FGF14: variants seen among roughly 807,000 people sequenced by gnomAD.
FGF14 encodes fibroblast growth factor homologous factor 4.
A neutral mutation model predicts 25.5 loss-of-function variants in FGF14; 5 were observed. The observed-to-expected ratio is 0.20, with a 90% CI of 0.10 to 0.41. The LOEUF (loss-of-function observed/expected upper bound fraction) is 0.41, where lower values mean the gene tolerates loss of function less well. Among genes scored for constraint, FGF14 ranks in the 10% least tolerant of loss-of-function variants. FGF14 has a pLI of 1.00. For missense variants in FGF14, 222 were observed against 320.1 expected, an observed-to-expected ratio of 0.69 and a Z score of 2.34; for synonymous variants, 138 against 118.3, an observed-to-expected ratio of 1.17 and a Z score of -1.08.
intron 1 of FGF14, among the ~76,000 whole-genome samples, chr13:102,200,625 T>TG (rs2049574960): frequency 6.6e-6 from 1 of 151,968 alleles, no homozygotes; most frequent in African/African-American, 2.4e-5. Context: ...GATTGTTTTT[T>TG]TTTTTTTTCA....
At chr13:102,207,219 G>A (rs1307213655) in intron 1 of FGF14, among the ~76,000 whole-genome samples, 1 of 151,484 alleles carries the variant, frequency 6.6e-6, no homozygotes, top group Non-Finnish European at 1.5e-5. Context: ...GGCAGAGGTT[G>A]CAGTGAGCCG....
chr13:101,930,853 A>T (rs1405937077), intron 1 of FGF14, among the ~76,000 whole-genome samples: 1 of 152,206 alleles, frequency 6.6e-6, no homozygotes, highest in African/African-American at 2.4e-5. Context: ...TAGGAAGGGG[A>T]CTTACAATCA....
At chr13:102,313,580 C>A (rs561218518) in intron 1 of FGF14, among the ~76,000 whole-genome samples, 1 of 151,954 alleles carries the variant, frequency 6.6e-6, no homozygotes, top group East Asian at 1.9e-4. Flanking sequence ...CAGAAATACT[C>A]CATTTACCTT....
chr13:101,968,146 G>A (rs2037333879), intron 1 of FGF14, among the ~76,000 whole-genome samples: 1 of 152,178 alleles, frequency 6.6e-6, no homozygotes, highest in Non-Finnish European at 1.5e-5. Flanking sequence ...ACTCAAATGA[G>A]TGAAAGTGCA....
intron 1 of FGF14, among the ~76,000 whole-genome samples, chr13:102,307,549 T>C (rs2055461210): frequency 6.6e-6 from 1 of 152,180 alleles, no homozygotes; most frequent in East Asian, 1.9e-4. Context: ...TTATGAACTT[T>C]TAAGACTAAT....
chr13:102,354,979 G>C (rs913116071), intron 1 of FGF14, among the ~76,000 whole-genome samples: 2 of 152,010 alleles, frequency 1.3e-5, no homozygotes, highest in Non-Finnish European at 2.9e-5. Context: ...TTCTTTGTGC[G>C]ATCAAGACCC....
intron 1 of FGF14, among the ~76,000 whole-genome samples, chr13:102,161,240 A>C (rs926663688): frequency 6.6e-6 from 1 of 152,164 alleles, no homozygotes; most frequent in Non-Finnish European, 1.5e-5. Context: ...AGGAGAAAGA[A>C]AGAGAGGAAA....
intron 3 of FGF14, among the ~76,000 whole-genome samples, chr13:101,734,804 A>G (rs2036063715): frequency 6.6e-6 from 1 of 152,212 alleles, no homozygotes; most frequent in African/African-American, 2.4e-5. Context: ...AGAAGGTTGA[A>G]GTAACTTGCC....
intron 3 of FGF14, among the ~76,000 whole-genome samples, chr13:101,838,901 G>T (rs954714672): frequency 6.6e-6 from 1 of 151,968 alleles, no homozygotes; most frequent in Non-Finnish European, 1.5e-5. Flanking sequence ...TTTCAGACAC[G>T]TTTTTGTCTG....
chr13:101,840,585 T>A (rs1396625754), intron 3 of FGF14, among the ~76,000 whole-genome samples: 1 of 151,954 alleles, frequency 6.6e-6, no homozygotes, highest in Non-Finnish European at 1.5e-5. Flanking sequence ...AGAATGGTAT[T>A]GAAATAATAC....
At chr13:101,987,139 C>T (rs1566537179) in intron 1 of FGF14, among the ~76,000 whole-genome samples, 1 of 152,082 alleles carries the variant, frequency 6.6e-6, no homozygotes, top group Admixed American at 6.6e-5. Flanking sequence ...AATCTAATCT[C>T]TACTTAGTAT....
chr13:101,902,858 A>G (rs2031745177), intron 1 of FGF14, among the ~76,000 whole-genome samples: 1 of 152,208 alleles, frequency 6.6e-6, no homozygotes, highest in Admixed American at 6.5e-5. Flanking sequence ...TTTAATAAAA[A>G]TCTAATAGCT....
intron 1 of FGF14, among the ~76,000 whole-genome samples, chr13:102,161,570 A>AAAGAAAGAAGAAGAAGAAGAAGAAG (rs2047653340): frequency 3.5e-4 from 2 of 5,652 alleles, no homozygotes; most frequent in Non-Finnish European, 4.8e-4. Context: ...TTCTGTGAAG[A>AAAGAAAGAAGAAGAAGAAGAAGAAG]AAGAAAGAAG....
intron 1 of FGF14, among the ~76,000 whole-genome samples, chr13:102,248,209 T>C (rs1406102518): frequency 2.6e-5 from 4 of 152,180 alleles, no homozygotes; most frequent in Non-Finnish European, 5.9e-5. Flanking sequence ...TTTATCTATT[T>C]AACAAACCTG....
intron 1 of FGF14, among the ~76,000 whole-genome samples, chr13:101,890,089 AAAAACAAAAC>A (rs886415723): frequency 6.6e-6 from 1 of 152,214 alleles, no homozygotes; most frequent in Admixed American, 6.5e-5. Context: ...ATACAAAAGC[AAAAACAAAAC>A]AAAACAAAAC....
chr13:101,809,761 T>G (rs2041392390), intron 3 of FGF14, among the ~76,000 whole-genome samples: 1 of 151,850 alleles, frequency 6.6e-6, no homozygotes, highest in Admixed American at 6.6e-5. Flanking sequence ...CATGTCTAAA[T>G]GGGTTATGGG....
rs563228985 is a variant in FGF14 at position 102,322,803 on chromosome 13, T to A, written c.208+78668A>T. Among the ~76,000 whole-genome samples the A allele has an allele frequency of 7.7e-4, 117 of 151,884 alleles. 1 individual carries two copies. Among genetic ancestry groups the A allele is most frequent in the Non-Finnish European group, 1.6e-3 (107 of 68,002 alleles). On this transcript the variant is annotated intron_variant, in intron 1 of 4. Coordinates refer to the FGF14 transcript ENST00000376131. ...TTATAATATGTGTTCTAATTCCACA[T>A]CCCTATTATAGAAACAAATACACAT...
chr13:102,325,776 C>G (rs773973915), intron 1 of FGF14, among the ~76,000 whole-genome samples: 11 of 152,122 alleles, frequency 7.2e-5, no homozygotes, highest in Non-Finnish European at 1.2e-4. Flanking sequence ...TTCCTCCTGC[C>G]TAGTCCAAAA....
intron 1 of FGF14, among the ~76,000 whole-genome samples, chr13:101,983,187 T>A (rs1249663059): frequency 6.6e-6 from 1 of 151,960 alleles, no homozygotes; most frequent in Non-Finnish European, 1.5e-5. Flanking sequence ...ATTACCCAGA[T>A]CATTTGTACC....
Sources: allele counts gnomAD v4.1 joint callset (sites outside exome capture counted in the v4.1 genomes callset), GRCh38; gene constraint gnomAD v4.1.1; transcripts MANE v1.5; gene names NCBI Gene and HGNC (gene_info 2026-07-23, HGNC 2026-07-21).